Variants in TRIM2 observed in about 807,000 individuals in gnomAD.
The protein encoded by TRIM2 is tripartite motif containing 2.
A neutral mutation model predicts 75.2 loss-of-function variants in TRIM2; 20 were observed. The ratio of observed to expected loss-of-function variants is 0.27; its 90% CI spans 0.19 to 0.39. The LOEUF is 0.39. Ranked by LOEUF, TRIM2 falls within the 10% of genes least tolerant of loss-of-function variation. The probability of loss-of-function intolerance (pLI) is 1.00; values close to 1 mark genes in which losing one functional copy is unlikely to be tolerated. For synonymous variants in TRIM2, 373 were observed against 388.3 expected (o/e 0.96, Z 0.46); for missense variants, 660 against 990.8 (o/e 0.67, Z 4.48).
At chr4:153,177,381 C>T (rs569411524) in intron 1 of TRIM2, among the ~76,000 whole-genome samples, 38 of 152,146 alleles carry the variant, frequency 2.5e-4, no homozygotes, top group South Asian at 1.2e-3. Context: ...TCTGGCTGGG[C>T]GCAGTGGCTC....
At chr4:153,230,523 C>CA (rs1016197796) in intron 1 of TRIM2, among the ~76,000 whole-genome samples, 8 of 152,150 alleles carry the variant, frequency 5.3e-5, no homozygotes, top group African/African-American at 1.9e-4. Flanking sequence ...GTTACAAAAA[C>CA]AAAAAACACA....
At chr4:153,200,273 C>T (rs1272068850), upstream of TRIM2, among the ~76,000 whole-genome samples, 1 of 152,130 alleles carries the variant, frequency 6.6e-6, no homozygotes, top group Non-Finnish European at 1.5e-5. Flanking sequence ...GGGAGTCTCC[C>T]TGTGTTGCCC....
chr4:153,278,088 T>G (rs544280220), intron 3 of TRIM2, among the ~76,000 whole-genome samples: 2 of 152,294 alleles, frequency 1.3e-5, no homozygotes, highest in South Asian at 4.1e-4. Flanking sequence ...GGTTGTTTTA[T>G]TTTTTATGGG....
chr4:153,185,535 C>G (rs1732514003), intron 1 of TRIM2, among the ~76,000 whole-genome samples: 1 of 152,094 alleles, frequency 6.6e-6, no homozygotes, highest in African/African-American at 2.4e-5. Context: ...GAGGAATACT[C>G]CTTTTTTATT....
intron 3 of TRIM2, among the ~76,000 whole-genome samples, chr4:153,282,845 G>A (rs1413784218): frequency 6.6e-6 from 1 of 151,948 alleles, no homozygotes; most frequent in Non-Finnish European, 1.5e-5. Context: ...CTGGAGTGCA[G>A]TGGCATGATC....
chr4:153,298,517 C>T (rs116352264), intron 6 of TRIM2, among the ~76,000 whole-genome samples: 2,724 of 152,166 alleles, frequency 0.018, 72 homozygotes, highest in African/African-American at 0.062. Flanking sequence ...ATTAGGGCCC[C>T]GCTTTAACAG....
intron 1 of TRIM2, among the ~76,000 whole-genome samples, chr4:153,259,997 C>T (rs895996585): frequency 6.6e-6 from 1 of 152,156 alleles, no homozygotes; most frequent in Non-Finnish European, 1.5e-5. Context: ...TTGTTATTGT[C>T]TTTAAACATT....
chr4:153,317,918 C>A (rs1405767251), intron 8 of TRIM2, among the ~76,000 whole-genome samples: 1 of 152,168 alleles, frequency 6.6e-6, no homozygotes, highest in East Asian at 1.9e-4. Context: ...CGTGACTACA[C>A]CTGTGCACTG....
At chr4:153,270,297 C>G in intron 1 of TRIM2, 38 bp from the exon 2 acceptor site, 1 of 1,586,380 alleles carries the variant, frequency 6.3e-7, no homozygotes, top group Non-Finnish European at 8.6e-7. Context: ...ACCTACAGAT[C>G]ATTATATGTT....
chr4:153,219,075 T>C (rs1646905602), intron 1 of TRIM2, among the ~76,000 whole-genome samples: 1 of 152,202 alleles, frequency 6.6e-6, no homozygotes, highest in African/African-American at 2.4e-5. Flanking sequence ...CTCCTTACTA[T>C]AGGAAACGAA....
At chr4:153,163,776 A>G (rs1175121538) in intron 1 of TRIM2, among the ~76,000 whole-genome samples, 1 of 151,860 alleles carries the variant, frequency 6.6e-6, no homozygotes, top group Non-Finnish European at 1.5e-5. Flanking sequence ...TGTTGGGATT[A>G]CAGGAATGAG....
At chr4:153,305,004 TATAA>T (rs1471097511) in intron 6 of TRIM2, among the ~76,000 whole-genome samples, 1 of 152,168 alleles carries the variant, frequency 6.6e-6, no homozygotes, top group Non-Finnish European at 1.5e-5. Flanking sequence ...CATGAGCTAT[TATAA>T]GGGCCAGGAT....
At chr4:153,330,108 C>G (rs577732640) in intron 11 of TRIM2, among the ~76,000 whole-genome samples, 60 of 152,250 alleles carry the variant, frequency 3.9e-4, no homozygotes, top group Middle Eastern at 3.4e-3. Context: ...AATACCAACT[C>G]CACAACTCCC....
chr4:153,203,825 A>G (rs986122102), upstream of TRIM2, among the ~76,000 whole-genome samples: 1 of 152,020 alleles, frequency 6.6e-6, no homozygotes, highest in Non-Finnish European at 1.5e-5. Context: ...CCAGGAGGCT[A>G]CGGTTGCAGT....
chr4:153,176,999 C>A (rs925160561), intron 1 of TRIM2, among the ~76,000 whole-genome samples: 1 of 152,220 alleles, frequency 6.6e-6, no homozygotes, highest in South Asian at 2.1e-4. Context: ...AGGTTTACTT[C>A]TCTTCAAGTA....
At chr4:153,281,636 G>A (rs1240707410) in intron 3 of TRIM2, among the ~76,000 whole-genome samples, 2 of 152,210 alleles carry the variant, frequency 1.3e-5, no homozygotes, top group African/African-American at 2.4e-5. Flanking sequence ...AATAAAGCAG[G>A]GTGCTGCCAT....
At chr4:153,286,370 T>C (rs180873393) in intron 3 of TRIM2, among the ~76,000 whole-genome samples, 23 of 152,314 alleles carry the variant, frequency 1.5e-4, no homozygotes, top group Admixed American at 1.5e-3. Flanking sequence ...CAATCTCTTC[T>C]ATTTTTTTTT....
intron 1 of TRIM2, among the ~76,000 whole-genome samples, chr4:153,206,907 G>T (rs1308983182): frequency 3.3e-5 from 5 of 151,890 alleles, no homozygotes; most frequent in East Asian, 3.9e-4. Context: ...TTGAGACAGG[G>T]TCTTGCTCCG....
intron 4 of TRIM2, among the ~76,000 whole-genome samples, chr4:153,293,734 C>G (rs1211692952): frequency 1.3e-5 from 2 of 152,138 alleles, no homozygotes; most frequent in South Asian, 2.1e-4. Context: ...TGTGGTTGTT[C>G]TATAGTAATT....
Sources: allele counts gnomAD v4.1 joint callset (sites outside exome capture counted in the v4.1 genomes callset), GRCh38; gene constraint gnomAD v4.1.1; transcripts MANE v1.5; gene names NCBI Gene and HGNC (gene_info 2026-07-23, HGNC 2026-07-21).